The following TBC1D2 variants were observed in gnomAD, a reference collection of about 807,000 sequenced individuals.
The protein encoded by TBC1D2 is TBC1 domain family member 2.
In TBC1D2, 58 loss-of-function variants were observed where a neutral mutation model predicts 91.1. The ratio of observed to expected loss-of-function variants is 0.64; its 90% CI spans 0.52 to 0.79. The LOEUF is 0.79. Among genes scored for constraint, TBC1D2 ranks in the 30% least tolerant of loss-of-function variants. The pLI is 0.00. For synonymous variants in TBC1D2, 482 were observed against 511.5 expected (o/e 0.94, Z 0.78); for missense variants, 1,080 against 1,208.3 (o/e 0.89, Z 1.57).
At chr9:98,203,237 T>C in intron 10 of TBC1D2, 51 bp downstream of exon 10, 1 of 1,608,522 alleles carries the variant, frequency 6.2e-7, no homozygotes, top group Non-Finnish European at 8.5e-7. Flanking sequence ...TAGGAACAGC[T>C]CTGGGGCACT....
chr9:98,237,493 C>T (rs1229205559), intron 3 of TBC1D2, among the ~76,000 whole-genome samples: 2 of 151,608 alleles, frequency 1.3e-5, no homozygotes, highest in South Asian at 2.1e-4. Flanking sequence ...GGGAAGAGTG[C>T]GTCTTCAAAC....
At chr9:98,224,208 A>G (rs1257967851) in intron 5 of TBC1D2, among the ~76,000 whole-genome samples, 70 of 82,200 alleles carry the variant, frequency 8.5e-4, no homozygotes, top group African/African-American at 2.8e-3. Flanking sequence ...AAAAAAAAAA[A>G]AAGAAAAGAA....
Position 98,255,266 on chromosome 9 carries a change from G to A in TBC1D2, c.276C>T (p.Ser92=), listed in dbSNP as rs570354432. 54 of 1,614,244 alleles carry A rather than the reference G, an allele frequency of 3.3e-5. No individual in the cohort carries two copies. In the East Asian group the frequency reaches 7.8e-4, roughly 23 times the overall value. The part of the protein sequence containing the change: ...RTAQDANPLD[S]IDLSSAVFDC... Reference sequence around the variant, plus strand: ...CAAACACTGCACTGGAGAGGTCGATGCTGTCCAAGGGATTGGCATCCTGAG... The same window carrying A: ...CAAACACTGCACTGGAGAGGTCGATACTGTCCAAGGGATTGGCATCCTGAG... The change falls in exon 1 of 13, where the codon AGC becomes AGT. Residue 92 remains serine (S), a synonymous_variant. Coordinates refer to ENST00000465784, the MANE Select transcript of TBC1D2 (RefSeq NM_001267571.2).
At chr9:98,213,003 G>A (rs1344833062) in intron 7 of TBC1D2, 105 bp downstream of exon 7, 1 of 1,274,946 alleles carries the variant, frequency 7.8e-7, no homozygotes, top group Non-Finnish European at 1.1e-6. Context: ...AGTTCAGAGG[G>A]AGAGGGGCAG....
intron 9 of TBC1D2, among the ~76,000 whole-genome samples, chr9:98,205,146 C>G (rs1050446343): frequency 6.6e-6 from 1 of 152,220 alleles, no homozygotes; most frequent in African/African-American, 2.4e-5. Flanking sequence ...AGAGTGGAAA[C>G]AGAACCCAGG....
Position 98,255,492 on chromosome 9 carries a change from C to T in TBC1D2, c.50G>A (p.Gly17Glu). The T allele has an allele frequency of 6.4e-7, 1 of 1,564,340 alleles. No individual in the cohort carries two copies. Among genetic ancestry groups the T allele is most frequent in the Non-Finnish European group, 8.7e-7 (1 of 1,153,072 alleles). Residue 17 changes from glycine (G) to glutamate (E), a missense_variant, in exon 1 of 13, where the codon GGG (glycine) becomes GAG (glutamate). Physicochemically the swap from Gly to Glu is moderately conservative, Grantham distance 98 (BLOSUM62 -2). Coordinates refer to ENST00000465784, the MANE Select transcript of TBC1D2 (RefSeq NM_001267571.2). ...TGGATCCCTGGCAGACTCTTCGGAC[C>T]CAGGGGCAGAGGAGCTGGACTCCGG... ...NAPESSSSAPGSEESARDPQV... is the reference protein window; with the variant it reads ...NAPESSSSAPESEESARDPQV...
rs566980619 is a variant in TBC1D2, at chr9:98,228,151, G to A, written c.978+801C>T. Among the ~76,000 whole-genome samples, 4 of 152,240 alleles carry A rather than the reference G, an allele frequency of 2.6e-5. No individual in the cohort carries two copies. Among genetic ancestry groups the A allele is most frequent in the South Asian group, 4.2e-4 (2 of 4,816 alleles). Reference sequence around the variant, plus strand: ...GGAGTCTGGGCCCTCACTGGAGCCCGCCACTGCCACCACAGGTCCTACCAG... The same window carrying A: ...GGAGTCTGGGCCCTCACTGGAGCCCACCACTGCCACCACAGGTCCTACCAG... On this transcript the variant is annotated intron_variant, in intron 5 of 12. Transcript: ENST00000465784. The surrounding 1 kb of genome is among the most constrained non-coding windows in gnomAD (Gnocchi z 4.0).
At chr9:98,248,560 G>T (rs1487346662) in intron 2 of TBC1D2, among the ~76,000 whole-genome samples, 1 of 152,218 alleles carries the variant, frequency 6.6e-6, no homozygotes, top group Non-Finnish European at 1.5e-5. Flanking sequence ...GGGAGGGCAG[G>T]TTATGAGTCT....
Position 98,201,574 on chromosome 9 carries a change from C to T in TBC1D2, c.2362G>A (p.Val788Ile), listed in dbSNP as rs776900208. Reference sequence around the variant, plus strand: ...ACCACGAGGAACCAGTTGAAGGTGACGAGGGAGAGATCCACGTGGTGCTGC... The same window carrying T: ...ACCACGAGGAACCAGTTGAAGGTGATGAGGGAGAGATCCACGTGGTGCTGC... ...LGQHHVDLSLVTFNWFLVVFA... is the reference protein window; with the variant it reads ...LGQHHVDLSLITFNWFLVVFA... The change falls in exon 11 of 13, where the codon GTC (valine) becomes ATC (isoleucine). Residue 788 changes from valine (V) to isoleucine (I), a missense_variant. Transcript: ENST00000465784. 54 of 1,614,032 alleles carry T rather than the reference C, an allele frequency of 3.3e-5. No individual in the cohort carries two copies. The highest frequency in any genetic ancestry group is 1.0e-4 in the Admixed American group (6 of 60,008).
intron 3 of TBC1D2, among the ~76,000 whole-genome samples, chr9:98,242,370 A>G (rs7865743): frequency 0.93 from 140,957 of 151,310 alleles, 65,747 homozygotes; most frequent in East Asian, 1. Flanking sequence ...GAACACGGGA[A>G]GCAGAGGTTG....
intron 6 of TBC1D2, among the ~76,000 whole-genome samples, chr9:98,220,436 G>A (rs1829067102): frequency 1.3e-5 from 2 of 152,196 alleles, no homozygotes; most frequent in South Asian, 4.1e-4. Flanking sequence ...GCGCAGGACT[G>A]TGGGGGGAGG....
Position 98,199,272 on chromosome 9 carries a change from G to A in TBC1D2, c.*109C>T, listed in dbSNP as rs1828415844. The A allele has an allele frequency of 1.5e-5, 18 of 1,214,792 alleles. No homozygotes were observed. The highest frequency in any genetic ancestry group is 2.0e-5 in the Admixed American group (1 of 51,272). 75.3% of individuals were successfully genotyped at this position (1,214,792 alleles called of 1,614,324 possible). On this transcript the variant is annotated 3_prime_UTR_variant, in exon 13 of 13. Transcript: ENST00000465784. ...CAGAGAGGGGAAGGGACATGTCCAA[G>A]GTCACATGGTGATGGGACACCCAGG...
chr9:98,208,974 G>A lies in TBC1D2; in HGVS notation c.1844C>T (p.Ser615Leu), dbSNP rs377592167. 1.1e-5 allele frequency: 18 copies of A among 1,614,138 alleles called. No homozygotes were observed. The highest frequency in any genetic ancestry group is 8.3e-5 in the Admixed American group (5 of 60,030). ...RWAALGDLVP[S>L]AELKQLLRAG... ...CCGCAGTAGCTGCTTGAGCTCGGCTGAGGGCACAAGATCGCCCAGGGCAGC... is the reference window on the plus strand; with the variant it reads ...CCGCAGTAGCTGCTTGAGCTCGGCTAAGGGCACAAGATCGCCCAGGGCAGC... Residue 615 changes from serine to leucine, a missense_variant, in exon 9 of 13, where the codon TCA becomes TTA. Physicochemically the swap from Ser to Leu is moderately radical, Grantham distance 145 (BLOSUM62 -2). Transcript: ENST00000465784.
chr9:98,206,360 T>C (rs533337722), intron 9 of TBC1D2, among the ~76,000 whole-genome samples: 1 of 152,232 alleles, frequency 6.6e-6, no homozygotes, highest in Non-Finnish European at 1.5e-5. Context: ...GAGAAAGATA[T>C]TTTAGAAAAC....
intron 5 of TBC1D2, among the ~76,000 whole-genome samples, chr9:98,225,147 C>T (rs1829200414): frequency 6.6e-6 from 1 of 152,172 alleles, no homozygotes; most frequent in Non-Finnish European, 1.5e-5. Flanking sequence ...AGGCAGGGTC[C>T]CAGAGGGGTT....
Position 98,243,986 on chromosome 9 carries a change from G to A in TBC1D2, c.647+8C>T. 3 of 1,598,186 alleles carry A rather than the reference G, an allele frequency of 1.9e-6. No homozygotes were observed. The highest frequency in any genetic ancestry group is 2.6e-6 in the Non-Finnish European group (3 of 1,172,548). On this transcript the variant is annotated splice_region_variant and intron_variant, in intron 3 of 12. Transcript: ENST00000465784. ...CTTGGCTAGCCCCTCAGCTCCACTGGCACTTACTGTATTTCAGTCCCCAGG... is the reference window on the plus strand; with the variant it reads ...CTTGGCTAGCCCCTCAGCTCCACTGACACTTACTGTATTTCAGTCCCCAGG...
chr9:98,236,305 C>A (rs1829503264), intron 3 of TBC1D2, among the ~76,000 whole-genome samples: 1 of 151,872 alleles, frequency 6.6e-6, no homozygotes, highest in Non-Finnish European at 1.5e-5. Flanking sequence ...CTCACTGCAA[C>A]CTCCACCTCC....
At chr9:98,226,493 A>C (rs535065743) in intron 5 of TBC1D2, among the ~76,000 whole-genome samples, 70 of 152,206 alleles carry the variant, frequency 4.6e-4, no homozygotes, top group Non-Finnish European at 8.4e-4. Context: ...CACGGCTGCA[A>C]CTCCATTTAC....
chr9:98,210,992 A>G, intron 7 of TBC1D2, 149 bp from the exon 8 acceptor site: 2 of 772,920 alleles, frequency 2.6e-6, no homozygotes, highest in African/African-American at 3.5e-5. Flanking sequence ...GGGAAAGGAG[A>G]TGGGCCCTGA....
Sources: gnomAD v4.1 joint callset for allele counts (sites outside exome capture counted in the v4.1 genomes callset) on GRCh38, gnomAD v4.1.1 for gene constraint, Gnocchi (gnomAD v3.1) non-coding constraint, MANE v1.5 for transcripts, NCBI Gene and HGNC (gene_info 2026-07-23, HGNC 2026-07-21) for gene names.